LRRIQ1: variants seen among roughly 807,000 people sequenced by gnomAD.
LRRIQ1 encodes the protein leucine-rich repeat- and IQ domain-containing protein 1.
A neutral mutation model predicts 211.9 loss-of-function variants in LRRIQ1; 210 were observed. That is an observed-to-expected ratio of 0.99 (90% CI 0.89 to 1.11). LRRIQ1 has a LOEUF of 1.11. Ranked by LOEUF, LRRIQ1 falls within the 50% of genes most tolerant of loss-of-function variation. LRRIQ1 has a pLI of 0.00. For synonymous variants in LRRIQ1, 699 were observed against 650.1 expected, an observed-to-expected ratio of 1.08 and a Z score of -1.14; for missense variants, 2,136 against 1,939.5, an observed-to-expected ratio of 1.10 and a Z score of -1.90.
intron 24 of LRRIQ1, among the ~76,000 whole-genome samples, chr12:85,170,490 A>G (rs2136805682): frequency 6.6e-6 from 1 of 150,494 alleles, no homozygotes; most frequent in Non-Finnish European, 1.5e-5. Flanking sequence ...TATAATTTAC[A>G]TATCCCATGT....
intron 1 of LRRIQ1, among the ~76,000 whole-genome samples, chr12:85,037,035 A>G (rs1220146898): frequency 6.6e-6 from 1 of 152,178 alleles, no homozygotes; most frequent in Non-Finnish European, 1.5e-5. Flanking sequence ...TAAAACACAC[A>G]ACAGATTTCT....
At chr12:85,191,909 G>T (rs1340178735) in intron 24 of LRRIQ1, among the ~76,000 whole-genome samples, 1 of 151,768 alleles carries the variant, frequency 6.6e-6, no homozygotes, top group Non-Finnish European at 1.5e-5. Context: ...TGCTATCACT[G>T]TATCTTCCTT....
rs368301447 is a variant in LRRIQ1 at position 85,122,683 on chromosome 12, G to A, written c.3557+807G>A. Among the ~76,000 whole-genome samples the A allele has an allele frequency of 2.7e-3, 409 of 151,924 alleles. 4 individuals carry two copies. Among genetic ancestry groups the A allele is most frequent in the African/African-American group, 9.5e-3 (396 of 41,492 alleles). ...ATATGCTTGTCCTATGTAAAAGTTC[G>A]TTTTCTGTGTAAATATTTTTGAACA... On this transcript the variant is annotated intron_variant, in intron 16 of 26. Transcript: ENST00000393217.
chr12:85,042,914 G>A (rs1468849492), intron 3 of LRRIQ1, among the ~76,000 whole-genome samples: 2 of 152,070 alleles, frequency 1.3e-5, no homozygotes, highest in African/African-American at 2.4e-5. Flanking sequence ...GAAGCTAGTT[G>A]CACTTATGAA....
At position 85,066,825 on chromosome 12, in the gene LRRIQ1, T is replaced by C. The variant is rs754287245; in HGVS notation, c.2622T>C (p.Thr874=). Residue 874 remains threonine (T), a synonymous_variant, in exon 10 of 27, where the codon ACT becomes ACC. Transcript: ENST00000393217. ...CVVLLNKNQL[T]SLHGLDGCTN... Reference sequence around the variant, plus strand: ...TTCTTCTTAATAAAAATCAACTGACTTCTCTTCATGGTTTGGATGGCTGTA... The same window carrying C: ...TTCTTCTTAATAAAAATCAACTGACCTCTCTTCATGGTTTGGATGGCTGTA... 6.3e-7 allele frequency: 1 copy of C among 1,596,354 alleles called. No individual in the cohort carries two copies. The highest frequency in any genetic ancestry group is 1.7e-5 in the Admixed American group (1 of 58,288).
chr12:85,153,788 A>T (rs1890383502), intron 22 of LRRIQ1, 30 bp downstream of exon 22: 1 of 1,352,992 alleles, frequency 7.4e-7, no homozygotes, highest in Non-Finnish European at 1.0e-6. Flanking sequence ...CTAATAAATT[A>T]AAAAATTGAG....
intron 15 of LRRIQ1, among the ~76,000 whole-genome samples, chr12:85,116,997 G>T (rs1419817668): frequency 2.6e-5 from 4 of 151,814 alleles, no homozygotes; most frequent in Non-Finnish European, 5.9e-5. Flanking sequence ...GCTATTGTGA[G>T]TAGTGCTGCA....
At chr12:85,043,363 C>A (rs547034185) in intron 3 of LRRIQ1, among the ~76,000 whole-genome samples, 1 of 152,100 alleles carries the variant, frequency 6.6e-6, no homozygotes, top group Non-Finnish European at 1.5e-5. Context: ...AACCTGTTGG[C>A]TGGAGAGTTC....
intron 1 of LRRIQ1, among the ~76,000 whole-genome samples, chr12:85,260,855 G>A (rs1896264720): frequency 6.6e-6 from 1 of 152,146 alleles, no homozygotes; most frequent in African/African-American, 2.4e-5. Flanking sequence ...AAGGAGGATA[G>A]GTTTTTAAGA....
chr12:85,192,027 T>C (rs1172391595), intron 24 of LRRIQ1, among the ~76,000 whole-genome samples: 2 of 151,908 alleles, frequency 1.3e-5, no homozygotes, highest in Non-Finnish European at 2.9e-5. Flanking sequence ...TGGGTATACA[T>C]GCAGATTTGT....
intron 1 of LRRIQ1, among the ~76,000 whole-genome samples, chr12:85,254,333 T>G (rs1034599055): frequency 2.6e-5 from 4 of 152,148 alleles, no homozygotes; most frequent in African/African-American, 9.7e-5. Context: ...TGAAAAAAGT[T>G]TTTCCAAAGC....
chr12:85,103,694 T>C (rs917652806), intron 13 of LRRIQ1, among the ~76,000 whole-genome samples: 13 of 151,776 alleles, frequency 8.6e-5, no homozygotes, highest in African/African-American at 3.1e-4. Flanking sequence ...TATTCTTATT[T>C]AAATAGCGAA....
intron 18 of LRRIQ1, among the ~76,000 whole-genome samples, chr12:85,132,682 AG>A (rs1239343740): frequency 3.3e-5 from 5 of 152,042 alleles, no homozygotes; most frequent in Non-Finnish European, 4.4e-5. Flanking sequence ...GGATCTCTTG[AG>A]CCCGGATGGT....
chr12:85,100,330 T>A (rs1182651012), intron 13 of LRRIQ1, among the ~76,000 whole-genome samples: 26 of 151,762 alleles, frequency 1.7e-4, no homozygotes, highest in Non-Finnish European at 1.5e-5. Context: ...TTTTGCTCTA[T>A]CAGTATGATA....
intron 11 of LRRIQ1, among the ~76,000 whole-genome samples, chr12:85,078,032 C>T (rs1049237878): frequency 2.0e-5 from 3 of 151,770 alleles, no homozygotes; most frequent in South Asian, 2.1e-4. Flanking sequence ...GCAACTTACT[C>T]TAACTTCATT....
chr12:85,229,473 G>T, intron 24 of LRRIQ1, 44 bp from the exon 25 acceptor site: 1 of 1,519,606 alleles, frequency 6.6e-7, no homozygotes, highest in Non-Finnish European at 8.8e-7. Context: ...GCCAAAGTTT[G>T]GTCTCTTTAA....
At chr12:85,171,882 A>G (rs1007262734) in intron 24 of LRRIQ1, among the ~76,000 whole-genome samples, 7 of 152,200 alleles carry the variant, frequency 4.6e-5, no homozygotes, top group African/African-American at 1.7e-4. Context: ...TTTAGCTTCT[A>G]CAACTGTGAG....
chr12:85,153,970 C>T (rs748948869), intron 22 of LRRIQ1, 42 bp from the exon 23 acceptor site: 29 of 1,277,378 alleles, frequency 2.3e-5, no homozygotes, highest in Middle Eastern at 2.4e-4. Context: ...AAATATGATC[C>T]GGGTATTTGT....
intron 24 of LRRIQ1, chr12:85,162,723 A>G (rs184546436): frequency 1.1e-5 from 5 of 454,826 alleles, no homozygotes; most frequent in African/African-American, 4.0e-5. Flanking sequence ...CATAAGCTTT[A>G]CGATGTGATG....
Sources: allele counts gnomAD v4.1 joint callset (sites outside exome capture counted in the v4.1 genomes callset), GRCh38; gene constraint gnomAD v4.1.1; transcripts MANE v1.5; gene names NCBI Gene and HGNC (gene_info 2026-07-23, HGNC 2026-07-21).